STX8: variants seen among roughly 807,000 people sequenced by gnomAD.
STX8 encodes the protein syntaxin-8.
In STX8, 23 loss-of-function variants were observed where a neutral mutation model predicts 37.5. The ratio of observed to expected loss-of-function variants is 0.61; its 90% CI spans 0.44 to 0.87. STX8 has a LOEUF of 0.87. Among genes scored for constraint, STX8 ranks in the 40% least tolerant of loss-of-function variants. STX8 has a pLI of 0.00. For missense variants in STX8, 313 were observed against 284.7 expected (o/e 1.10, Z -0.71); for synonymous variants, 115 against 99.1 (o/e 1.16, Z -0.95).
intron 7 of STX8, among the ~76,000 whole-genome samples, chr17:9,282,689 A>G (rs1228065774): frequency 1.3e-5 from 2 of 152,220 alleles, no homozygotes; most frequent in Admixed American, 6.5e-5. Flanking sequence ...GGTGGAAAGA[A>G]AAAGTCAGCC....
In STX8 at chr17:9,474,145, AGGAGAGGGTGATACAT is replaced by A. The variant is rs570114908; in HGVS notation, c.541+17668_541+17683del. 1.0e-3 allele frequency among the ~76,000 whole-genome samples: 152 copies of A among 152,240 alleles called. 1 individual carries two copies. The highest frequency in any genetic ancestry group is 3.2e-3 in the African/African-American group (133 of 41,552). Reference sequence around the variant, plus strand: ...GTGCTGGGGCAGGAGTTGGGGGACAAGGAGAGGGTGATACATGGAGAGGGTGATACATGGAGAGGGC... The same window carrying A: ...GTGCTGGGGCAGGAGTTGGGGGACAAGGAGAGGGTGATACATGGAGAGGGC... On this transcript the variant is annotated intron_variant, in intron 6 of 7. Transcript: ENST00000306357.
intron 7 of STX8, among the ~76,000 whole-genome samples, chr17:9,282,606 GTC>G (rs1158615155): frequency 2.0e-5 from 3 of 152,226 alleles, no homozygotes; most frequent in Admixed American, 2.0e-4. Context: ...AAACGTTAGT[GTC>G]TCCAGGTGTC....
chr17:9,459,397 T>C (rs1048869834), intron 6 of STX8, among the ~76,000 whole-genome samples: 12 of 152,162 alleles, frequency 7.9e-5, no homozygotes, highest in African/African-American at 2.9e-4. Flanking sequence ...TGTGCAAGTG[T>C]TGAAAAACCC....
intron 7 of STX8, among the ~76,000 whole-genome samples, chr17:9,256,770 C>A (rs1276234026): frequency 2.6e-5 from 4 of 152,158 alleles, no homozygotes; most frequent in Admixed American, 2.6e-4. Flanking sequence ...GCGCAGCCGA[C>A]CCCCCTGCCG....
At chr17:9,460,155 T>C (rs1399694605) in intron 6 of STX8, among the ~76,000 whole-genome samples, 1 of 152,070 alleles carries the variant, frequency 6.6e-6, no homozygotes, top group African/African-American at 2.4e-5. Flanking sequence ...TTGGGAATGA[T>C]AAAGGAGATG....
intron 6 of STX8, among the ~76,000 whole-genome samples, chr17:9,491,093 CTCT>C (rs1906833568): frequency 1.3e-5 from 2 of 152,198 alleles, no homozygotes; most frequent in African/African-American, 4.8e-5. Context: ...TCTCCCTGAG[CTCT>C]GGTACCCTGT....
intron 7 of STX8, among the ~76,000 whole-genome samples, chr17:9,258,443 C>T (rs1293972474): frequency 6.6e-6 from 1 of 152,188 alleles, no homozygotes; most frequent in East Asian, 1.9e-4. Flanking sequence ...GGTCTCTGCC[C>T]AGACCTGCCC....
At chr17:9,545,576 A>G (rs1464455483) in intron 3 of STX8, among the ~76,000 whole-genome samples, 1 of 152,048 alleles carries the variant, frequency 6.6e-6, no homozygotes, top group African/African-American at 2.4e-5. Flanking sequence ...CCTCCCCGTG[A>G]CCAAACTTAT....
chr17:9,480,676 A>G (rs1299147948), intron 6 of STX8, among the ~76,000 whole-genome samples: 1 of 152,164 alleles, frequency 6.6e-6, no homozygotes, highest in Non-Finnish European at 1.5e-5. Flanking sequence ...TTGCAAGTTT[A>G]TTTATGAATG....
At chr17:9,500,618 G>T (rs549821620) in intron 5 of STX8, among the ~76,000 whole-genome samples, 15 of 152,268 alleles carry the variant, frequency 9.9e-5, no homozygotes, top group African/African-American at 3.1e-4. Context: ...TGGCAAGGCT[G>T]CATGATCCAA....
chr17:9,367,021 A>G (rs1197200315), intron 7 of STX8, among the ~76,000 whole-genome samples: 1 of 152,090 alleles, frequency 6.6e-6, no homozygotes, highest in Non-Finnish European at 1.5e-5. Context: ...TGCCACTAAT[A>G]AGGTTGGGGT....
chr17:9,264,306 G>A (rs1428779001), intron 7 of STX8, among the ~76,000 whole-genome samples: 1 of 152,140 alleles, frequency 6.6e-6, no homozygotes, highest in Non-Finnish European at 1.5e-5. Flanking sequence ...AATTTGGGGT[G>A]ATCTTTTACC....
intron 6 of STX8, among the ~76,000 whole-genome samples, chr17:9,412,659 C>A (rs1032615243): frequency 6.6e-6 from 1 of 152,128 alleles, no homozygotes; most frequent in Admixed American, 6.5e-5. Flanking sequence ...CATGTGCATT[C>A]CCCCACACCC....
intron 6 of STX8, among the ~76,000 whole-genome samples, chr17:9,436,737 G>A (rs1376146123): frequency 6.6e-6 from 1 of 152,240 alleles, no homozygotes; most frequent in Admixed American, 6.5e-5. Context: ...GCTCTGGGAT[G>A]TAGGGATCTA....
chr17:9,282,223 C>G (rs1325064167), intron 7 of STX8, among the ~76,000 whole-genome samples: 1 of 152,144 alleles, frequency 6.6e-6, no homozygotes, highest in East Asian at 1.9e-4. Context: ...ATTTTGGCTT[C>G]CCGGGTTCAC....
intron 3 of STX8, among the ~76,000 whole-genome samples, chr17:9,549,631 A>C (rs1906683382): frequency 6.6e-6 from 1 of 152,114 alleles, no homozygotes; most frequent in Non-Finnish European, 1.5e-5. Context: ...ATTCCCAGAG[A>C]CTCTGTAAAT....
Position 9,478,987 on chromosome 17 carries a change from TG to T in STX8, c.541+12841del, listed in dbSNP as rs1906207711. Reference sequence around the variant, plus strand: ...AAAATACCTTATTTTGAGATGTATTTGTTGAATGTCTCCCTCCCGACACTAG... The same window carrying T: ...AAAATACCTTATTTTGAGATGTATTTTTGAATGTCTCCCTCCCGACACTAG... On this transcript the variant is annotated intron_variant, in intron 6 of 7. Coordinates refer to ENST00000306357, the MANE Select transcript of STX8 (RefSeq NM_004853.3). 2.6e-5 allele frequency among the ~76,000 whole-genome samples: 4 copies of T among 152,182 alleles called. No homozygotes were observed. The South Asian group carries it at 8.3e-4, about 32-fold the overall frequency.
chr17:9,518,868 C>CAAA (rs58589067), intron 4 of STX8, among the ~76,000 whole-genome samples: 1,854 of 99,916 alleles, frequency 0.019, 39 homozygotes, highest in African/African-American at 0.057. Flanking sequence ...GACTCCGTCT[C>CAAA]AAAAAAAAAA....
chr17:9,465,176 G>A (rs1031053762), intron 6 of STX8, among the ~76,000 whole-genome samples: 3 of 151,430 alleles, frequency 2.0e-5, no homozygotes, highest in African/African-American at 7.3e-5. Flanking sequence ...AATAGGCAGA[G>A]GATTATTACT....
Sources: allele counts gnomAD v4.1 joint callset (sites outside exome capture counted in the v4.1 genomes callset), GRCh38; gene constraint gnomAD v4.1.1; transcripts MANE v1.5; gene names NCBI Gene and HGNC (gene_info 2026-07-23, HGNC 2026-07-21).